The following TBL1X variants were observed in gnomAD, a reference collection of about 807,000 sequenced individuals.
TBL1X encodes transducin beta like 1 X-linked.
In TBL1X, 10 loss-of-function variants were observed where a neutral mutation model predicts 50.7. That is an observed-to-expected ratio of 0.20 (90% CI 0.12 to 0.33). The LOEUF (loss-of-function observed/expected upper bound fraction) is 0.33, where lower values mean the gene tolerates loss of function less well. TBL1X is among the 10% of genes least tolerant of loss of function. TBL1X has a pLI of 1.00. For missense variants in TBL1X, 340 were observed against 504.4 expected, an observed-to-expected ratio of 0.67 and a Z score of 3.12; for synonymous variants, 190 against 214.7, an observed-to-expected ratio of 0.88 and a Z score of 1.01.
chrX:9,580,765 C>T (rs1405828503), intron 2 of TBL1X, among the ~76,000 whole-genome samples: 1 of 111,256 alleles, frequency 9.0e-6, no homozygotes, highest in Non-Finnish European at 1.9e-5. Context: ...TTTGATAGGC[C>T]ATTGGTTGAA....
chrX:9,665,113 T>A (rs1212301470), intron 5 of TBL1X, among the ~76,000 whole-genome samples: 1 of 110,001 alleles, frequency 9.1e-6, no homozygotes, highest in African/African-American at 3.3e-5. Context: ...TCATTTTGAT[T>A]CCCTTACCTG....
chrX:9,675,839 C>G (rs1315875173), intron 5 of TBL1X, among the ~76,000 whole-genome samples: 2 of 104,626 alleles, frequency 1.9e-5, no homozygotes, highest in Non-Finnish European at 3.9e-5. Flanking sequence ...TGCAGTGAGC[C>G]GAGATCATGC....
chrX:9,589,381 C>T (rs1172135941), intron 2 of TBL1X, among the ~76,000 whole-genome samples: 1 of 108,263 alleles, frequency 9.2e-6, no homozygotes, highest in Non-Finnish European at 1.9e-5. Flanking sequence ...CTCTTGGTGG[C>T]GCCAGGCTCC....
At chrX:9,481,795 C>A (rs967950959) in intron 1 of TBL1X, among the ~76,000 whole-genome samples, 1 of 112,041 alleles carries the variant, frequency 8.9e-6, no homozygotes, top group Non-Finnish European at 1.9e-5. Context: ...CAGATAAATC[C>A]GTGGCTGGGC....
intron 2 of TBL1X, among the ~76,000 whole-genome samples, chrX:9,630,011 C>T (rs1183250958): frequency 9.0e-6 from 1 of 110,592 alleles, no homozygotes; most frequent in African/African-American, 3.3e-5. Context: ...CCATGACTTC[C>T]CGGTGTTATC....
chrX:9,495,940 A>G (rs1272884267), intron 1 of TBL1X, among the ~76,000 whole-genome samples: 1 of 112,574 alleles, frequency 8.9e-6, no homozygotes, highest in Non-Finnish European at 1.9e-5. Flanking sequence ...GAGAATGACC[A>G]TGAAAGCGCT....
chrX:9,491,936 A>G (rs2081947227), intron 1 of TBL1X, among the ~76,000 whole-genome samples: 1 of 112,118 alleles, frequency 8.9e-6, no homozygotes, highest in Non-Finnish European at 1.9e-5. Flanking sequence ...TCAATTGTAC[A>G]CAGCAAGCAT....
At chrX:9,605,808 AG>A (rs754175418) in intron 2 of TBL1X, among the ~76,000 whole-genome samples, 225 of 112,407 alleles carry the variant, frequency 2.0e-3, no homozygotes, top group African/African-American at 5.9e-3. Flanking sequence ...AAGGCAGACA[AG>A]TCAAATTAAA....
At chrX:9,507,975 A>G (rs2082034530) in intron 2 of TBL1X, among the ~76,000 whole-genome samples, 1 of 112,487 alleles carries the variant, frequency 8.9e-6, no homozygotes, top group Non-Finnish European at 1.9e-5. Flanking sequence ...TGTAAAACCC[A>G]AAACCATAAA....
At chrX:9,580,055 G>A (rs73188209) in intron 2 of TBL1X, among the ~76,000 whole-genome samples, 23 of 112,373 alleles carry the variant, frequency 2.0e-4, no homozygotes, top group Non-Finnish European at 3.6e-4. Flanking sequence ...AACTCTGAGT[G>A]GCCATGGCCT....
intron 2 of TBL1X, among the ~76,000 whole-genome samples, chrX:9,573,380 C>G (rs2147012300): frequency 8.9e-6 from 1 of 112,348 alleles, no homozygotes; most frequent in East Asian, 2.8e-4. Context: ...GCTGCAAATA[C>G]CACCTTTTCA....
intron 1 of TBL1X, among the ~76,000 whole-genome samples, chrX:9,486,944 C>T (rs1369630332): frequency 2.7e-5 from 3 of 111,822 alleles, no homozygotes; most frequent in Non-Finnish European, 3.8e-5. Context: ...CAGGTACCTC[C>T]GGTCACCGCT....
intron 1 of TBL1X, among the ~76,000 whole-genome samples, chrX:9,469,911 T>C (rs1444716680): frequency 1.8e-5 from 2 of 112,646 alleles, no homozygotes; most frequent in East Asian, 5.6e-4. Context: ...TTGCCTCCTC[T>C]CTCTGATGAC....
Position 9,653,572 on chromosome X carries a change from G to C in TBL1X, c.-15G>C. 8.6e-7 allele frequency: 1 copy of C among 1,161,974 alleles called. No individual in the cohort carries two copies. The highest frequency in any genetic ancestry group is 1.2e-6 in the Non-Finnish European group (1 of 869,526). On this transcript the variant is annotated 5_prime_UTR_variant, in exon 4 of 18. Coordinates refer to ENST00000645353, the MANE Select transcript of TBL1X (RefSeq NM_005647.4). ...GCCCTGGCCTCCTTGCAGAAACATC[G>C]AGGTGACATGTAGCATGACCGAGCT... is the stretch of plus-strand genomic sequence containing the variant.
chrX:9,479,407 C>T (rs181794240), intron 1 of TBL1X, among the ~76,000 whole-genome samples: 2 of 112,177 alleles, frequency 1.8e-5, no homozygotes, highest in Non-Finnish European at 3.8e-5. Context: ...GATCACGCCA[C>T]TGCACTCCAG....
chrX:9,635,650 C>T (rs2082742836), intron 2 of TBL1X, among the ~76,000 whole-genome samples: 1 of 111,983 alleles, frequency 8.9e-6, no homozygotes, highest in Non-Finnish European at 1.9e-5. Flanking sequence ...CTTCCATGGG[C>T]AGGCTCCCGG....
chrX:9,532,125 G>A (rs914921380), intron 2 of TBL1X, among the ~76,000 whole-genome samples: 2 of 111,644 alleles, frequency 1.8e-5, no homozygotes, highest in Admixed American at 1.9e-4. Context: ...TCGTGCAGTG[G>A]CCTCCTGAGC....
At chrX:9,612,475 C>A (rs1420983432) in intron 2 of TBL1X, among the ~76,000 whole-genome samples, 1 of 111,806 alleles carries the variant, frequency 8.9e-6, no homozygotes, top group African/African-American at 3.3e-5. Flanking sequence ...ATTACAACAT[C>A]TTTTTTACTG....
chrX:9,619,408 C>T (rs1001009032), intron 2 of TBL1X, among the ~76,000 whole-genome samples: 2 of 111,890 alleles, frequency 1.8e-5, no homozygotes, highest in African/African-American at 6.5e-5. Context: ...ACTGTCCACA[C>T]CCGCGGTGCA....
Sources: gnomAD v4.1 joint callset for allele counts (sites outside exome capture counted in the v4.1 genomes callset) on GRCh38, gnomAD v4.1.1 for gene constraint, MANE v1.5 for transcripts, NCBI Gene and HGNC (gene_info 2026-07-23, HGNC 2026-07-21) for gene names.